Variants in TAMM41 observed in about 807,000 individuals in gnomAD.
The protein encoded by TAMM41 is TAM41 mitochondrial translocator assembly and maintenance homolog.
In TAMM41, 36 loss-of-function variants were observed where a neutral mutation model predicts 44.1. That is an observed-to-expected ratio of 0.82 (90% CI 0.63 to 1.08). The LOEUF is 1.08. Ranked by LOEUF, TAMM41 falls within the 50% of genes least tolerant of loss-of-function variation. The pLI is 0.00. For synonymous variants in TAMM41, 164 were observed against 153.1 expected (o/e 1.07, Z -0.53); for missense variants, 417 against 404.3 (o/e 1.03, Z -0.27).
downstream of TAMM41, among the ~76,000 whole-genome samples, chr3:11,789,406 G>GA (rs1229477461): frequency 3.9e-5 from 6 of 152,100 alleles, no homozygotes; most frequent in African/African-American, 1.4e-4. Context: ...CGATTTGCAG[G>GA]AAAAAAAGAC....
At chr3:11,787,970 T>C (rs1229272073), downstream of TAMM41, among the ~76,000 whole-genome samples, 5 of 152,206 alleles carry the variant, frequency 3.3e-5, no homozygotes, top group Non-Finnish European at 7.4e-5. Context: ...GAAGAATACA[T>C]CTGGGGCAGT....
At chr3:11,790,232 C>T (rs1442235958), downstream of TAMM41, among the ~76,000 whole-genome samples, 3 of 152,238 alleles carry the variant, frequency 2.0e-5, no homozygotes, top group East Asian at 3.8e-4. Flanking sequence ...CTGACTCTCA[C>T]GTACCTACAG....
the TAMM41 span, among the ~76,000 whole-genome samples, chr3:11,785,333 T>G: frequency 6.6e-6 from 1 of 152,100 alleles, no homozygotes; most frequent in Admixed American, 6.5e-5. Flanking sequence ...TGTTTTTGTT[T>G]TGTTTTGTTT....
At chr3:11,734,928 C>T in the TAMM41 span, among the ~76,000 whole-genome samples, 15 of 148,536 alleles carry the variant, frequency 1.0e-4, no homozygotes, top group East Asian at 2.6e-3. Context: ...GGGCGCCTGT[C>T]GTCCCAGCTA....
At chr3:11,843,822 C>T in intron 2 of TAMM41, 1 of 566,792 alleles carries the variant, frequency 1.8e-6, no homozygotes, top group Non-Finnish European at 3.0e-6. Flanking sequence ...TGCTCTGTCC[C>T]CAAGTTCAAG....
chr3:11,794,294 G>A (rs532919236), intron 7 of TAMM41, among the ~76,000 whole-genome samples: 42 of 151,952 alleles, frequency 2.8e-4, no homozygotes, highest in Admixed American at 2.6e-3. Context: ...ATGCCACCAC[G>A]CCCGGCTAAT....
chr3:11,786,286 T>TA (rs532095914), downstream of TAMM41, among the ~76,000 whole-genome samples: 660 of 138,828 alleles, frequency 4.8e-3, 4 homozygotes, highest in African/African-American at 0.016. Context: ...TTTATTTAAT[T>TA]TTATTATTAT....
chr3:11,770,957 C>T, the TAMM41 span, among the ~76,000 whole-genome samples: 1 of 152,106 alleles, frequency 6.6e-6, no homozygotes, highest in Non-Finnish European at 1.5e-5. Flanking sequence ...CCCTTCACTC[C>T]CAGTTCCCTC....
chr3:11,813,926 ATG>A (rs1435780609), intron 5 of TAMM41, among the ~76,000 whole-genome samples: 1 of 150,008 alleles, frequency 6.7e-6, no homozygotes, highest in Non-Finnish European at 1.5e-5. Context: ...ATATGTATAT[ATG>A]TGTGTATATA....
rs760791190 is a variant in TAMM41 at position 11,790,595 on chromosome 3, G to T, written c.938-14C>A. On this transcript the variant is annotated splice_polypyrimidine_tract_variant and intron_variant, in intron 7 of 7. Transcript: ENST00000455809. ...ACTTCTTCAGGCCTAAAAGAGAAAAGATGAGAAAGTAAGAAGATGGAGGCT... is the reference window on the plus strand; with the variant it reads ...ACTTCTTCAGGCCTAAAAGAGAAAATATGAGAAAGTAAGAAGATGGAGGCT... 3 of 1,607,020 alleles carry T rather than the reference G, an allele frequency of 1.9e-6. No homozygotes were observed. The highest frequency in any genetic ancestry group is 2.6e-6 in the Non-Finnish European group (3 of 1,174,288).
At chr3:11,819,403 G>C (rs1028955302) in intron 4 of TAMM41, among the ~76,000 whole-genome samples, 3 of 152,270 alleles carry the variant, frequency 2.0e-5, no homozygotes, top group Admixed American at 6.5e-5. Flanking sequence ...CTTGCGTAAG[G>C]TTTCCAGGAA....
the TAMM41 span, among the ~76,000 whole-genome samples, chr3:11,746,854 T>A: frequency 2.0e-4 from 30 of 151,622 alleles, no homozygotes; most frequent in Admixed American, 1.7e-3. Flanking sequence ...TAGGCTGCTC[T>A]CAAACCCCTG....
chr3:11,743,553 G>A, the TAMM41 span, among the ~76,000 whole-genome samples: 4 of 152,056 alleles, frequency 2.6e-5, no homozygotes, highest in East Asian at 1.9e-4. Context: ...GGCTGGTCTC[G>A]AACTCCTGAC....
intron 3 of TAMM41, among the ~76,000 whole-genome samples, chr3:11,830,266 T>C (rs1313657650): frequency 2.0e-5 from 3 of 152,182 alleles, no homozygotes; most frequent in Admixed American, 2.0e-4. Flanking sequence ...TTGGACCATA[T>C]CTAACATAGG....
intron 1 of TAMM41, chr3:11,844,791 G>A (rs2079602206): frequency 2.7e-6 from 1 of 376,562 alleles, no homozygotes; most frequent in African/African-American, 2.1e-5. Context: ...AATGAACTCT[G>A]ACAGGCCCTA....
chr3:11,833,135 G>A (rs2079049435), intron 3 of TAMM41: 2 of 1,284,980 alleles, frequency 1.6e-6, no homozygotes, highest in African/African-American at 1.5e-5. Context: ...GAACTCTTGG[G>A]ACACTGCCAG....
the TAMM41 span, among the ~76,000 whole-genome samples, chr3:11,752,839 G>C: frequency 6.6e-6 from 1 of 151,520 alleles, no homozygotes; most frequent in South Asian, 2.1e-4. Context: ...ATTTTTTGTA[G>C]AGATAGGGTC....
intron 7 of TAMM41, among the ~76,000 whole-genome samples, chr3:11,806,524 G>C (rs2077914872): frequency 6.6e-6 from 1 of 152,034 alleles, no homozygotes. Context: ...CTAAAGTTGA[G>C]AAATTCGAGA....
chr3:11,790,142 C>G (rs899870399), downstream of TAMM41, among the ~76,000 whole-genome samples: 25 of 152,168 alleles, frequency 1.6e-4, no homozygotes, highest in African/African-American at 5.6e-4. Flanking sequence ...ACATAACAAG[C>G]CAGGCAGAGA....
Sources: allele counts gnomAD v4.1 joint callset (sites outside exome capture counted in the v4.1 genomes callset), GRCh38; gene constraint gnomAD v4.1.1; transcripts MANE v1.5; gene names NCBI Gene and HGNC (gene_info 2026-07-23, HGNC 2026-07-21).